The following ATG5 variants were observed in gnomAD, a reference collection of about 807,000 sequenced individuals.
The protein encoded by ATG5 is autophagy related 5.
Under a neutral mutation model 36.5 loss-of-function variants are expected in ATG5, and 14 were observed. The observed-to-expected ratio is 0.38, with a 90% CI of 0.25 to 0.60. The LOEUF is 0.60. ATG5 is among the 20% of genes least tolerant of loss of function. The pLI is 0.60. For missense variants in ATG5, 195 were observed against 326.7 expected, an observed-to-expected ratio of 0.60 and a Z score of 3.11; for synonymous variants, 95 against 101.5, an observed-to-expected ratio of 0.94 and a Z score of 0.38.
intron 6 of ATG5, among the ~76,000 whole-genome samples, chr6:106,234,368 C>T (rs925250941): frequency 6.6e-6 from 1 of 152,114 alleles, no homozygotes. Flanking sequence ...CATTTCAATC[C>T]CTGTACCTGA....
At chr6:106,304,926 T>C (rs1044582428) in intron 3 of ATG5, among the ~76,000 whole-genome samples, 2 of 152,102 alleles carry the variant, frequency 1.3e-5, no homozygotes, top group East Asian at 3.9e-4. Context: ...ACCCTGTCTC[T>C]ACTACAAATA....
chr6:106,227,414 A>T (rs1286702383), intron 6 of ATG5, among the ~76,000 whole-genome samples: 2 of 152,162 alleles, frequency 1.3e-5, no homozygotes, highest in East Asian at 3.8e-4. Context: ...TGGGCAGCAG[A>T]AAGAGGCTCT....
intron 3 of ATG5, among the ~76,000 whole-genome samples, chr6:106,305,193 G>A (rs1024608543): frequency 3.3e-5 from 5 of 151,790 alleles, no homozygotes; most frequent in South Asian, 2.1e-4. Context: ...GATGAACAAA[G>A]AATAGTAAGA....
chr6:106,208,444 A>G (rs922791506), intron 6 of ATG5, among the ~76,000 whole-genome samples: 7 of 152,174 alleles, frequency 4.6e-5, no homozygotes, highest in Non-Finnish European at 1.0e-4. Context: ...GTGTTCACTC[A>G]AGGTTTTATT....
At chr6:106,324,002 G>A (rs148823945) in intron 1 of ATG5, among the ~76,000 whole-genome samples, 2,373 of 151,996 alleles carry the variant, frequency 0.016, 47 homozygotes, top group Non-Finnish European at 0.019. Flanking sequence ...TTTATCACCC[G>A]TAGGCCTCCA....
chr6:106,224,407 A>C (rs1777366427), intron 6 of ATG5, among the ~76,000 whole-genome samples: 1 of 152,228 alleles, frequency 6.6e-6, no homozygotes, highest in Non-Finnish European at 1.5e-5. Context: ...TTAGAACTGC[A>C]ACTCAACAAA....
At chr6:106,229,245 G>A (rs1777570581) in intron 6 of ATG5, among the ~76,000 whole-genome samples, 2 of 152,240 alleles carry the variant, frequency 1.3e-5, no homozygotes, top group Admixed American at 1.3e-4. Context: ...TATAAACCCA[G>A]GGAGTCTTGT....
chr6:106,246,080 C>A (rs1346895624), intron 6 of ATG5, among the ~76,000 whole-genome samples: 1 of 152,148 alleles, frequency 6.6e-6, no homozygotes, highest in Non-Finnish European at 1.5e-5. Context: ...TCATATCTCA[C>A]TTCTAAAACT....
intron 6 of ATG5, among the ~76,000 whole-genome samples, chr6:106,229,872 GAATTATTCT>G (rs1216833765): frequency 6.6e-6 from 1 of 152,228 alleles, no homozygotes; most frequent in African/African-American, 2.4e-5. Flanking sequence ...CACCGGTTCA[GAATTATTCT>G]AAGTCAAAAA....
At chr6:106,302,857 A>G (rs1429724679) in intron 3 of ATG5, among the ~76,000 whole-genome samples, 3 of 152,112 alleles carry the variant, frequency 2.0e-5, no homozygotes, top group African/African-American at 7.2e-5. Context: ...AAACAAAAAC[A>G]GAACATATCA....
At chr6:106,210,208 T>C (rs558086564) in intron 6 of ATG5, among the ~76,000 whole-genome samples, 1 of 152,280 alleles carries the variant, frequency 6.6e-6, no homozygotes, top group Admixed American at 6.5e-5. Context: ...AAAAGCCCCT[T>C]AGGTGATCCT....
chr6:106,300,269 TCTC>T (rs1770150977), intron 3 of ATG5, among the ~76,000 whole-genome samples: 1 of 152,168 alleles, frequency 6.6e-6, no homozygotes, highest in South Asian at 2.1e-4. Context: ...AAAATTTTAA[TCTC>T]CTGCATAAAT....
intron 7 of ATG5, among the ~76,000 whole-genome samples, chr6:106,194,875 G>A (rs1173372608): frequency 6.6e-6 from 1 of 151,952 alleles, no homozygotes; most frequent in Admixed American, 6.6e-5. Context: ...TATTCTCCAA[G>A]GTAAAAATAA....
In ATG5 at chr6:106,278,282, G is replaced by C. The variant is rs569117060; in HGVS notation, c.478+1379C>G. Among the ~76,000 whole-genome samples the C allele has an allele frequency of 5.3e-5, 8 of 152,290 alleles. No homozygotes were observed. In the South Asian group the frequency reaches 1.7e-3, roughly 32 times the overall value. On this transcript the variant is annotated intron_variant, in intron 5 of 7. Coordinates refer to ENST00000369076, the MANE Select transcript of ATG5 (RefSeq NM_004849.4). ...TCTTTGTAAAAACTTAAGAACTATA[G>C]TTTGAAGAGTGCTTGCTTTCTCAAC...
chr6:106,288,394 G>A (rs1004445220), intron 4 of ATG5, among the ~76,000 whole-genome samples: 4 of 152,022 alleles, frequency 2.6e-5, no homozygotes, highest in African/African-American at 9.7e-5. Context: ...AAACCAATGA[G>A]AAAAGCTTGA....
intron 6 of ATG5, among the ~76,000 whole-genome samples, chr6:106,234,612 G>T (rs1156912638): frequency 6.6e-6 from 1 of 152,128 alleles, no homozygotes; most frequent in Non-Finnish European, 1.5e-5. Flanking sequence ...TGTTTGAATG[G>T]CTCTTCAGAA....
chr6:106,321,681 G>T (rs75162441), intron 1 of ATG5, among the ~76,000 whole-genome samples: 1 of 152,018 alleles, frequency 6.6e-6, no homozygotes, highest in South Asian at 2.1e-4. Flanking sequence ...CTTAAGTGTC[G>T]GCTTAATATC....
intron 5 of ATG5, among the ~76,000 whole-genome samples, chr6:106,259,719 T>C (rs1778939047): frequency 6.6e-6 from 1 of 152,160 alleles, no homozygotes; most frequent in African/African-American, 2.4e-5. Flanking sequence ...TACATAAAAA[T>C]AATGACTTTT....
chr6:106,252,614 A>G (rs991756795), intron 5 of ATG5, among the ~76,000 whole-genome samples: 3 of 152,242 alleles, frequency 2.0e-5, no homozygotes, highest in African/African-American at 7.2e-5. Flanking sequence ...CTTAAGCTTT[A>G]CGAGAGGTAA....
Sources: allele counts gnomAD v4.1 joint callset (sites outside exome capture counted in the v4.1 genomes callset), GRCh38; gene constraint gnomAD v4.1.1; transcripts MANE v1.5; gene names NCBI Gene and HGNC (gene_info 2026-07-23, HGNC 2026-07-21).